Variants in LDHB observed in about 807,000 individuals in gnomAD.
LDHB encodes the protein L-lactate dehydrogenase B chain.
Under a neutral mutation model 33.4 loss-of-function variants are expected in LDHB, and 18 were observed. The ratio of observed to expected loss-of-function variants is 0.54; its 90% CI spans 0.37 to 0.80. The LOEUF is 0.80. Among genes scored for constraint, LDHB ranks in the 30% least tolerant of loss-of-function variants. LDHB has a pLI of 0.00. For synonymous variants in LDHB, 121 were observed against 140.6 expected, an observed-to-expected ratio of 0.86 and a Z score of 0.98; for missense variants, 345 against 407.9, an observed-to-expected ratio of 0.85 and a Z score of 1.33.
chr12:21,654,918 T>G (rs902693071), intron 1 of LDHB, among the ~76,000 whole-genome samples: 1 of 151,764 alleles, frequency 6.6e-6, no homozygotes, highest in Admixed American at 6.6e-5. Flanking sequence ...GTCAAGAGAT[T>G]GAGACCATCC....
chr12:21,652,755 G>C (rs181809661), intron 2 of LDHB, among the ~76,000 whole-genome samples: 28 of 152,042 alleles, frequency 1.8e-4, no homozygotes, highest in African/African-American at 6.5e-4. Context: ...TAGCTAGAAG[G>C]AAATGCAAAA....
chr12:21,649,204 C>T (rs1310191035), intron 2 of LDHB, among the ~76,000 whole-genome samples: 1 of 152,148 alleles, frequency 6.6e-6, no homozygotes, highest in Non-Finnish European at 1.5e-5. Flanking sequence ...CAATTTAGTG[C>T]TTAAGTAGAA....
chr12:21,654,680 G>T lies in LDHB; in HGVS notation c.-6-3C>A. On this transcript the variant is annotated splice_region_variant and splice_polypyrimidine_tract_variant and intron_variant, in intron 1 of 7. Coordinates refer to ENST00000350669, the MANE Select transcript of LDHB (RefSeq NM_002300.8). ...TCCTTAAGAGTTGCCATTTTGCACT[G>T]CAAGGAAAGAATCAAAACATTACAC... is the stretch of plus-strand genomic sequence containing the variant. 6.2e-7 allele frequency: 1 copy of T among 1,610,334 alleles called. No individual in the cohort carries two copies. The highest frequency in any genetic ancestry group is 8.5e-7 in the Non-Finnish European group (1 of 1,176,590).
At chr12:21,650,080 ACTCT>A (rs1212769051) in intron 2 of LDHB, among the ~76,000 whole-genome samples, 3 of 117,724 alleles carry the variant, frequency 2.5e-5, no homozygotes, top group African/African-American at 6.4e-5. Flanking sequence ...TGACAGTAAG[ACTCT>A]CTCTCTCAAG....
intron 3 of LDHB, among the ~76,000 whole-genome samples, chr12:21,644,446 C>CCAAAAAA (rs1555165057): frequency 1.8e-5 from 2 of 108,844 alleles, no homozygotes; most frequent in Admixed American, 1.0e-4. Flanking sequence ...AAAAAAAAAA[C>CCAAAAAA]AAAAACAAAA....
At chr12:21,642,249 G>A (rs1011047260) in intron 4 of LDHB, 124 bp from the exon 5 acceptor site, 18 of 696,860 alleles carry the variant, frequency 2.6e-5, no homozygotes, top group Middle Eastern at 2.9e-4. Context: ...TGGCCAGAAA[G>A]ATTAAAGTAA....
At chr12:21,639,485 A>G (rs1285583402) in intron 5 of LDHB, among the ~76,000 whole-genome samples, 1 of 151,628 alleles carries the variant, frequency 6.6e-6, no homozygotes, top group African/African-American at 2.4e-5. Context: ...GACATGTAAT[A>G]TCACTTTTTC....
intron 1 of LDHB, chr12:21,657,191 C>CA (rs1938875076): frequency 6.6e-6 from 1 of 152,228 alleles, no homozygotes; most frequent in African/African-American, 2.4e-5. Context: ...AGAGGCCCTG[C>CA]AGGAAAGAAC....
intron 3 of LDHB, 130 bp downstream of exon 3, chr12:21,646,769 G>A (rs1354043035): frequency 4.3e-6 from 3 of 698,130 alleles, no homozygotes; most frequent in Non-Finnish European, 7.7e-6. Context: ...AACAGTTATT[G>A]AAATAACTGT....
At chr12:21,647,911 G>A (rs572922652) in intron 2 of LDHB, among the ~76,000 whole-genome samples, 1 of 152,106 alleles carries the variant, frequency 6.6e-6, no homozygotes, top group African/African-American at 2.4e-5. Flanking sequence ...TGCCAAGGCT[G>A]GTATCGAAAT....
rs767060554 is a variant in LDHB, at chr12:21,635,702, TACATCCCCTGCCAG to T, written c.838-7_844del. ...CAGGAAGACTTCATTCTCAATGCCA[TACATCCCCTGCCAG>T]AACAACAAAGCATCGAGATTAAGAC... is the stretch of plus-strand genomic sequence containing the variant. On this transcript the variant is annotated splice_acceptor_variant and splice_polypyrimidine_tract_variant and coding_sequence_variant and intron_variant, in exon 8 of 8. Coordinates refer to ENST00000350669, the MANE Select transcript of LDHB (RefSeq NM_002300.8). LOFTEE classifies it high-confidence loss of function. 6.2e-7 allele frequency: 1 copy of T among 1,613,584 alleles called. No individual in the cohort carries two copies. The highest frequency in any genetic ancestry group is 2.2e-5 in the East Asian group (1 of 44,860).
Position 21,638,426 on chromosome 12 carries a change from C to G in LDHB, c.640G>C (p.Glu214Gln), listed in dbSNP as rs757713211. 2 of 1,610,886 alleles carry G rather than the reference C, an allele frequency of 1.2e-6. No homozygotes were observed. The highest frequency in any genetic ancestry group is 1.7e-6 in the Non-Finnish European group (2 of 1,178,250). Residue 214 changes from glutamate (E) to glutamine (Q), a missense_variant, in exon 6 of 8, where the codon GAA (glutamate) becomes CAA (glutamine). Coordinates refer to ENST00000350669, the MANE Select transcript of LDHB (RefSeq NM_002300.8). ...GVNVAGVSLQ[E>Q]LNPEMGTDND... ...TCAGTTCCCATTTCTGGATTCAATT[C>G]CTGGAGAGAAACACCTGCCACATTC...
rs1938276297 is a variant in LDHB, at chr12:21,638,433, A to G, written c.633T>C (p.Ser211=). The G allele has an allele frequency of 3.1e-6, 5 of 1,610,534 alleles. No homozygotes were observed. In the Admixed American group the frequency reaches 5.0e-5, roughly 16 times the overall value. The part of the protein sequence containing the change: ...VWSGVNVAGV[S]LQELNPEMGT... ...CCATTTCTGGATTCAATTCCTGGAG[A>G]GAAACACCTGCCACATTCACACCAC... The change falls in exon 6 of 8, where the codon TCT becomes TCC. Residue 211 remains serine, a synonymous_variant. Coordinates refer to ENST00000350669, the MANE Select transcript of LDHB (RefSeq NM_002300.8).
chr12:21,640,792 T>G (rs1591828297), intron 5 of LDHB, among the ~76,000 whole-genome samples: 1 of 151,794 alleles, frequency 6.6e-6, no homozygotes, highest in Admixed American at 6.6e-5. Flanking sequence ...ATGAGGCTGG[T>G]GCAATTTATT....
intron 4 of LDHB, chr12:21,643,558 A>G: frequency 4.5e-6 from 1 of 220,924 alleles, no homozygotes. Flanking sequence ...ATTCTGTATA[A>G]TGGGATTTTC....
At chr12:21,648,990 G>A (rs968102272) in intron 2 of LDHB, among the ~76,000 whole-genome samples, 1 of 152,062 alleles carries the variant, frequency 6.6e-6, no homozygotes, top group East Asian at 1.9e-4. Flanking sequence ...CCTTAAACAC[G>A]TTTTGACACC....
At chr12:21,639,233 T>C (rs1938298999) in intron 5 of LDHB, among the ~76,000 whole-genome samples, 1 of 152,010 alleles carries the variant, frequency 6.6e-6, no homozygotes, top group Non-Finnish European at 1.5e-5. Flanking sequence ...TGCATAATCA[T>C]GTCTAGTGAG....
At chr12:21,657,484 C>T (rs1018851624) in intron 1 of LDHB, 1 of 152,374 alleles carries the variant, frequency 6.6e-6, no homozygotes, top group African/African-American at 2.4e-5. Flanking sequence ...CAAGTAGGGC[C>T]TGGTTTTAGC....
At chr12:21,642,931 A>C (rs753687571) in intron 4 of LDHB, among the ~76,000 whole-genome samples, 1 of 152,204 alleles carries the variant, frequency 6.6e-6, no homozygotes, top group Non-Finnish European at 1.5e-5. Flanking sequence ...CTGTGAAGCT[A>C]TATGTAGAAA....
Sources: gnomAD v4.1 joint callset for allele counts (sites outside exome capture counted in the v4.1 genomes callset) on GRCh38, gnomAD v4.1.1 for gene constraint, MANE v1.5 for transcripts, NCBI Gene and HGNC (gene_info 2026-07-23, HGNC 2026-07-21) for gene names.